The following ARSF variants were observed in gnomAD, a reference collection of about 807,000 sequenced individuals.
ARSF encodes arylsulfatase F.
In ARSF, 33 loss-of-function variants were observed where a neutral mutation model predicts 35.4. The observed-to-expected ratio is 0.93, with a 90% confidence interval of 0.71 to 1.25. ARSF has a LOEUF of 1.25. Ranked by LOEUF, ARSF falls within the 50% of genes most tolerant of loss-of-function variation. ARSF has a pLI of 0.00. For synonymous variants in ARSF, 222 were observed against 193.1 expected, an observed-to-expected ratio of 1.15 and a Z score of -1.24; for missense variants, 501 against 480.2, an observed-to-expected ratio of 1.04 and a Z score of -0.40.
intron 1 of ARSF, among the ~76,000 whole-genome samples, chrX:3,048,658 A>G (rs1420370081): frequency 8.0e-5 from 9 of 112,136 alleles, no homozygotes; most frequent in Admixed American, 1.9e-4. Context: ...ATATAAAAGC[A>G]AGCTGTGCCC....
chrX:3,112,099 A>G (rs1401019887), intron 10 of ARSF, 75 bp from the exon 11 acceptor site: 9 of 948,352 alleles, frequency 9.5e-6, no homozygotes, highest in Non-Finnish European at 1.3e-5. Context: ...GACCCCTGCT[A>G]TAGAACACTA....
chrX:3,041,299 CTTT>C (rs35885735), upstream of ARSF, among the ~76,000 whole-genome samples: 1 of 87,420 alleles, frequency 1.1e-5, no homozygotes, highest in Non-Finnish European at 2.1e-5. Flanking sequence ...TTTTCTTTTT[CTTT>C]TTTTTTTTTT....
chrX:3,062,360 A>G (rs2090045574), intron 1 of ARSF, among the ~76,000 whole-genome samples: 1 of 112,151 alleles, frequency 8.9e-6, no homozygotes, highest in Admixed American at 9.5e-5. Context: ...GGAAATATCT[A>G]AAATCAACAC....
At chrX:3,056,609 A>T (rs1020951656) in intron 1 of ARSF, among the ~76,000 whole-genome samples, 45 of 111,244 alleles carry the variant, frequency 4.0e-4, no homozygotes, top group African/African-American at 1.4e-3. Flanking sequence ...TCTAGTCTAG[A>T]CATTTAAAAG....
chrX:3,110,124 G>T lies in ARSF; in HGVS notation c.1266-4G>T, dbSNP rs749150632. 5.9e-6 allele frequency: 7 copies of T among 1,177,956 alleles called. No individual in the cohort carries two copies. In the South Asian group the frequency reaches 1.4e-4, roughly 23 times the overall value. On this transcript the variant is annotated splice_polypyrimidine_tract_variant and splice_region_variant and intron_variant, in intron 9 of 10. Coordinates refer to ENST00000381127, the MANE Select transcript of ARSF (RefSeq NM_001201539.2). ...CCTTATCTGCACTGTCTGTGTCTCTGCAGGGTCATTGACGGCCGAGACCTC... is the reference window on the plus strand; with the variant it reads ...CCTTATCTGCACTGTCTGTGTCTCTTCAGGGTCATTGACGGCCGAGACCTC...
intron 7 of ARSF, among the ~76,000 whole-genome samples, chrX:3,098,207 C>T (rs1052079111): frequency 3.6e-5 from 4 of 109,620 alleles, no homozygotes; most frequent in Admixed American, 9.9e-5. Flanking sequence ...TCAAGGGATC[C>T]GCCTTCCTTG....
chrX:3,059,212 C>T (rs1447943037), intron 1 of ARSF, among the ~76,000 whole-genome samples: 4 of 111,441 alleles, frequency 3.6e-5, no homozygotes, highest in Admixed American at 1.9e-4. Context: ...CTTGTAATCC[C>T]AGCACTTTGG....
At chrX:3,107,016 C>A (rs2090415316) in intron 9 of ARSF, among the ~76,000 whole-genome samples, 1 of 111,804 alleles carries the variant, frequency 8.9e-6, no homozygotes, top group Non-Finnish European at 1.9e-5. Flanking sequence ...TATATTAAAT[C>A]ATCTCTAGAT....
chrX:3,086,586 G>C lies in ARSF; in HGVS notation c.830+1920G>C, dbSNP rs772430792. 4.5e-5 allele frequency among the ~76,000 whole-genome samples: 5 copies of C among 111,820 alleles called. No homozygotes were observed. The South Asian group carries it at 1.9e-3, about 42-fold the overall frequency. On this transcript the variant is annotated intron_variant, in intron 6 of 10. Coordinates refer to ENST00000381127, the MANE Select transcript of ARSF (RefSeq NM_001201539.2). ...AATTCCAGCACTTTGGGAGGCTGAG[G>C]TAAGCGATCACTTAAGTTCTGGAGA...
chrX:3,071,216 G>A (rs1317526414), intron 2 of ARSF, among the ~76,000 whole-genome samples: 1 of 111,455 alleles, frequency 9.0e-6, no homozygotes, highest in Non-Finnish European at 1.9e-5. Context: ...CTCATTGATT[G>A]ATGGGTATTT....
chrX:3,098,654 C>CAA (rs1204379962), intron 7 of ARSF, among the ~76,000 whole-genome samples: 6 of 111,290 alleles, frequency 5.4e-5, no homozygotes, highest in African/African-American at 1.6e-4. Context: ...CCTCTCCAGC[C>CAA]ACGTAGAACT....
At chrX:3,041,283 C>G (rs1379084300), upstream of ARSF, among the ~76,000 whole-genome samples, 1 of 89,999 alleles carries the variant, frequency 1.1e-5, no homozygotes, top group African/African-American at 4.3e-5. Context: ...TTGTTCTTTT[C>G]TTTTCTTTTC....
chrX:3,104,485 G>A lies in ARSF; in HGVS notation c.1265+561G>A, dbSNP rs145515981. The stretch of plus-strand genomic sequence containing the variant: ...AATTTGTCTGCCGATAGGTGGTTAG[G>A]TTGATTCTATAGCTTGGCTATTGTG... On this transcript the variant is annotated intron_variant, in intron 9 of 10. Transcript: ENST00000381127. 5.8e-4 allele frequency among the ~76,000 whole-genome samples: 65 copies of A among 112,202 alleles called. 1 individual carries two copies. Among genetic ancestry groups the A allele is most frequent in the African/African-American group, 2.0e-3 (62 of 30,966 alleles).
At chrX:3,044,785 C>T (rs949394346) in intron 1 of ARSF, among the ~76,000 whole-genome samples, 1 of 109,120 alleles carries the variant, frequency 9.2e-6, no homozygotes, top group African/African-American at 3.3e-5. Context: ...TTCTTCCTGC[C>T]AGCTGGTCTG....
intron 6 of ARSF, among the ~76,000 whole-genome samples, chrX:3,086,569 C>G (rs757819900): frequency 1.8e-5 from 2 of 112,005 alleles, no homozygotes; most frequent in African/African-American, 6.5e-5. Context: ...GTAATTCCAG[C>G]ACTTTGGGAG....
At chrX:3,050,034 G>T (rs1199422996) in intron 1 of ARSF, among the ~76,000 whole-genome samples, 1 of 109,720 alleles carries the variant, frequency 9.1e-6, no homozygotes, top group East Asian at 2.9e-4. Flanking sequence ...TAATTTTTTT[G>T]TATTTTTAGT....
At chrX:3,053,276 T>C (rs1362831960) in intron 1 of ARSF, among the ~76,000 whole-genome samples, 1 of 110,705 alleles carries the variant, frequency 9.0e-6, no homozygotes, top group Non-Finnish European at 1.9e-5. Context: ...CATTGAGAGA[T>C]CATTTCTTGG....
intron 2 of ARSF, among the ~76,000 whole-genome samples, chrX:3,068,672 G>A (rs1054942272): frequency 8.1e-5 from 9 of 111,641 alleles, no homozygotes; most frequent in Admixed American, 6.7e-4. Flanking sequence ...GAATCCCCCC[G>A]CCTCAGCCTC....
chrX:3,084,420 T>C lies in ARSF; in HGVS notation c.584T>C (p.Leu195Pro), dbSNP rs1044096037. The change falls in exon 6 of 11, where the codon CTA becomes CCA. Residue 195 changes from leucine (L) to proline (P), a missense_variant. By Grantham distance (98) the Leu-to-Pro change is moderately conservative (BLOSUM62 -3). Coordinates refer to ENST00000381127, the MANE Select transcript of ARSF (RefSeq NM_001201539.2). Reference sequence around the variant, plus strand: ...AGTCAGCTCTGGCTCTGTGTGCAGCTAGTTGCCATTGCCATCCTCACCCTA... The same window carrying C: ...AGTCAGCTCTGGCTCTGTGTGCAGCCAGTTGCCATTGCCATCCTCACCCTA... Reference protein sequence around the residue: ...FESQLWLCVQLVAIAILTLTF... With the variant: ...FESQLWLCVQPVAIAILTLTF... 4 of 1,209,830 alleles carry C rather than the reference T, an allele frequency of 3.3e-6. No homozygotes were observed. Among genetic ancestry groups the C allele is most frequent in the Admixed American group, 2.2e-5 (1 of 45,642 alleles).
Sources: gnomAD v4.1 joint callset for allele counts (sites outside exome capture counted in the v4.1 genomes callset) on GRCh38, gnomAD v4.1.1 for gene constraint, MANE v1.5 for transcripts, NCBI Gene and HGNC (gene_info 2026-07-23, HGNC 2026-07-21) for gene names.